Variants in DOCK5 observed in about 807,000 individuals in gnomAD.
DOCK5 encodes dedicator of cytokinesis 5, also known as dedicator of cytokinesis protein 5.
A neutral mutation model predicts 251.8 loss-of-function variants in DOCK5; 142 were observed. That is an observed-to-expected ratio of 0.56 (90% confidence interval 0.49 to 0.65). The LOEUF (loss-of-function observed/expected upper bound fraction) is 0.65. DOCK5 is among the 30% of genes least tolerant of loss of function. The probability of loss-of-function intolerance (pLI) is 0.00; values close to 1 mark genes in which losing one functional copy is unlikely to be tolerated. For synonymous variants in DOCK5, 842 were observed against 835.5 expected, an observed-to-expected ratio of 1.01 and a Z score of -0.13; for missense variants, 2,111 against 2,312.3, an observed-to-expected ratio of 0.91 and a Z score of 1.79.
At chr8:25,331,163 A>T (rs1011642375) in intron 18 of DOCK5, among the ~76,000 whole-genome samples, 2 of 152,156 alleles carry the variant, frequency 1.3e-5, no homozygotes, top group African/African-American at 4.8e-5. Context: ...CTGAATAGAA[A>T]TAGTAGCTTG....
intron 22 of DOCK5, 127 bp from the exon 23 acceptor site, chr8:25,340,750 G>A (rs1805932872): frequency 2.6e-6 from 2 of 757,614 alleles, no homozygotes; most frequent in Non-Finnish European, 4.3e-6. Context: ...GATGACTGGG[G>A]CTTAATTAGG....
intron 2 of DOCK5, among the ~76,000 whole-genome samples, chr8:25,262,700 A>G (rs1488210567): frequency 6.6e-6 from 1 of 152,230 alleles, no homozygotes; most frequent in Admixed American, 6.5e-5. Flanking sequence ...GTTTTATGCC[A>G]TAAATCTCTT....
chr8:25,268,145 G>C (rs1473404493), intron 2 of DOCK5, among the ~76,000 whole-genome samples: 4 of 152,062 alleles, frequency 2.6e-5, no homozygotes, highest in Non-Finnish European at 5.9e-5. Flanking sequence ...ACAAGCGTGA[G>C]CCACCGTGCC....
In DOCK5 at chr8:25,358,947, T is replaced by A; in HGVS notation, c.2851-16T>A. The A allele has an allele frequency of 6.2e-7, 1 of 1,612,038 alleles. No homozygotes were observed. Among genetic ancestry groups the A allele is most frequent in the Non-Finnish European group, 8.5e-7 (1 of 1,178,106 alleles). ...GTCTAAGGAGTCTTGGATTTGTGCT[T>A]TCCTTTTCCTTCCAGGGGAGTTTTG... On this transcript the variant is annotated splice_polypyrimidine_tract_variant and intron_variant, in intron 27 of 51. Transcript: ENST00000276440.
intron 34 of DOCK5, among the ~76,000 whole-genome samples, 197 bp from the exon 35 acceptor site, chr8:25,372,362 G>A (rs894585744): frequency 3.9e-5 from 6 of 152,224 alleles, no homozygotes; most frequent in African/African-American, 1.4e-4. Flanking sequence ...CGCAGCATAA[G>A]TGAAGGTCAC....
chr8:25,317,326 C>CCTG, intron 14 of DOCK5, 195 bp downstream of exon 14: 1 of 603,256 alleles, frequency 1.7e-6, no homozygotes, highest in East Asian at 3.0e-5. Flanking sequence ...CTCTTCTAGA[C>CCTG]TCTTATTTTT....
At chr8:25,304,506 C>T in intron 11 of DOCK5, 179 bp downstream of exon 11, 1 of 537,162 alleles carries the variant, frequency 1.9e-6, no homozygotes. Flanking sequence ...ATGTTGGACT[C>T]CCATTGAAGA....
chr8:25,319,739 G>GT (rs140926679), intron 15 of DOCK5, 63 bp downstream of exon 15: 46,051 of 1,219,438 alleles, frequency 0.038, 1,115 homozygotes, highest in Middle Eastern at 0.063. Flanking sequence ...CCTATCTTCT[G>GT]TTTACCCCCA....
intron 22 of DOCK5, among the ~76,000 whole-genome samples, chr8:25,337,203 T>A (rs1023411361): frequency 3.3e-5 from 5 of 152,092 alleles, no homozygotes; most frequent in Admixed American, 1.3e-4. Flanking sequence ...TTTAAAAAAT[T>A]TCATACTATC....
At chr8:25,260,815 G>A (rs144236602) in intron 2 of DOCK5, among the ~76,000 whole-genome samples, 4 of 149,688 alleles carry the variant, frequency 2.7e-5, no homozygotes, top group African/African-American at 4.9e-5. Context: ...TTTTTTAAAC[G>A]GACAGAATCT....
intron 5 of DOCK5, among the ~76,000 whole-genome samples, chr8:25,284,820 A>G (rs769093107): frequency 1.3e-5 from 2 of 152,234 alleles, no homozygotes; most frequent in Non-Finnish European, 2.9e-5. Context: ...TTTTTCAACT[A>G]AAAATCTGGT....
chr8:25,322,502 A>T (rs925196907), intron 16 of DOCK5, among the ~76,000 whole-genome samples: 5 of 152,184 alleles, frequency 3.3e-5, no homozygotes, highest in African/African-American at 1.2e-4. Context: ...AATCGTGTGA[A>T]ATTGGCATTT....
intron 1 of DOCK5, among the ~76,000 whole-genome samples, chr8:25,236,179 A>G (rs1802792363): frequency 6.6e-6 from 1 of 152,210 alleles, no homozygotes; most frequent in South Asian, 2.1e-4. Context: ...AATGAAGTTA[A>G]GAATCCTGTA....
At chr8:25,187,042 C>T (rs1451555075) in intron 1 of DOCK5, among the ~76,000 whole-genome samples, 1 of 150,978 alleles carries the variant, frequency 6.6e-6, no homozygotes, top group Non-Finnish European at 1.5e-5. Context: ...ACAATAAATA[C>T]GAAAAAAATT....
intron 33 of DOCK5, 22 bp downstream of exon 33, chr8:25,368,747 A>G (rs1267603183): frequency 1.9e-6 from 3 of 1,604,326 alleles, no homozygotes; most frequent in Non-Finnish European, 1.7e-6. Flanking sequence ...CAGACCGCGT[A>G]ATATTAGTAA....
chr8:25,243,864 C>A, intron 2 of DOCK5, 107 bp downstream of exon 2: 2 of 1,073,084 alleles, frequency 1.9e-6, no homozygotes, highest in Non-Finnish European at 1.4e-6. Context: ...CTTCCTGAAA[C>A]AGTGCTAGTA....
intron 1 of DOCK5, among the ~76,000 whole-genome samples, chr8:25,197,630 G>A (rs1801765262): frequency 7.3e-6 from 1 of 136,574 alleles, no homozygotes; most frequent in Non-Finnish European, 1.5e-5. Context: ...TGTTGCCAGG[G>A]TGGAGTACAA....
rs772365772 is a variant in DOCK5 at position 25,363,098 on chromosome 8, G to A, written c.3001G>A (p.Val1001Ile). 6.2e-7 allele frequency: 1 copy of A among 1,614,038 alleles called. No individual in the cohort carries two copies. The change falls in exon 29 of 52, where the codon GTC becomes ATC. Residue 1001 changes from valine to isoleucine, a missense_variant. Around this residue, in one of 3 missense-constraint regions of DOCK5, gnomAD observed 1,717 missense variants for 1,892.4 expected, o/e 0.91. Transcript: ENST00000276440. ...IMFKDLIGKN[V>I]YAKDWMVMNM... The stretch of plus-strand genomic sequence containing the variant: ...GTTCAAGGACCTGATTGGAAAGAAT[G>A]TCTATGCCAAAGATTGGATGGTGAT...
chr8:25,277,181 G>C (rs1327979071), intron 4 of DOCK5: 1 of 154,090 alleles, frequency 6.5e-6, no homozygotes, highest in Non-Finnish European at 1.5e-5. Flanking sequence ...ACATTGGTCT[G>C]TAACTGATAA....
Sources: gnomAD v4.1 joint callset for allele counts (sites outside exome capture counted in the v4.1 genomes callset) on GRCh38, gnomAD v4.1.1 for gene constraint, gnomAD v4.1.1 regional missense constraint, MANE v1.5 for transcripts, NCBI Gene and HGNC (gene_info 2026-07-23, HGNC 2026-07-21) for gene names.